The following METTL14 variants were observed in gnomAD, a reference collection of about 807,000 sequenced individuals.
METTL14 encodes the protein methyltransferase 14, N6-adenosine-methyltransferase non-catalytic subunit, also known as N(6)-adenosine-methyltransferase non-catalytic subunit METTL14.
Under a neutral mutation model 62.4 loss-of-function variants are expected in METTL14, and 32 were observed. That is an observed-to-expected ratio of 0.51 (90% CI 0.39 to 0.69). The LOEUF is 0.69. METTL14 is among the 30% of genes least tolerant of loss of function. The pLI, the probability that METTL14 is intolerant of heterozygous loss-of-function variation, is 0.00. For missense variants in METTL14, 340 were observed against 551.9 expected, an observed-to-expected ratio of 0.62 and a Z score of 3.85; for synonymous variants, 150 against 180.0, an observed-to-expected ratio of 0.83 and a Z score of 1.34.
At chr4:118,697,707 C>T (rs1724455669) in intron 7 of METTL14, among the ~76,000 whole-genome samples, 2 of 152,196 alleles carry the variant, frequency 1.3e-5, no homozygotes, top group South Asian at 4.1e-4. Context: ...GATTTCTACT[C>T]TTTAAACAGC....
chr4:118,702,512 A>G (rs1028712846), intron 8 of METTL14, among the ~76,000 whole-genome samples: 7 of 152,140 alleles, frequency 4.6e-5, no homozygotes, highest in African/African-American at 1.2e-4. Flanking sequence ...GCAGTGGCTC[A>G]TGTCTGTCAT....
At chr4:118,686,992 T>C (rs1724085379) in intron 1 of METTL14, among the ~76,000 whole-genome samples, 1 of 152,244 alleles carries the variant, frequency 6.6e-6, no homozygotes, top group South Asian at 2.1e-4. Context: ...CTTGTGTCTA[T>C]AAATAGTAAG....
At chr4:118,703,827 A>G (rs897490400) in intron 8 of METTL14, 108 bp from the exon 9 acceptor site, 1 of 594,514 alleles carries the variant, frequency 1.7e-6, no homozygotes, top group African/African-American at 1.9e-5. Context: ...ACCTTGGAAT[A>G]TAGTGTCTGA....
rs755714160 is a variant in METTL14, at chr4:118,697,187, T to C, written c.509T>C (p.Leu170Ser). The C allele has an allele frequency of 2.5e-6, 4 of 1,591,766 alleles. No homozygotes were observed. The highest frequency in any genetic ancestry group is 3.4e-6 in the Non-Finnish European group (4 of 1,173,934). ...IAKSNTPPMY[L>S]QADIEAFDIR... ...TTAATGCTTTAATCAAATAGGTACT[T>C]ACAAGCCGATATAGAAGCCTTTGAC... Residue 170 changes from leucine (L) to serine (S), a missense_variant, in exon 7 of 11, where the codon TTA becomes TCA. Leu to Ser is a moderately radical substitution (Grantham distance 145). Transcript: ENST00000388822.
At chr4:118,709,479 T>A (rs1579078613) in intron 10 of METTL14, among the ~76,000 whole-genome samples, 1 of 151,080 alleles carries the variant, frequency 6.6e-6, no homozygotes, top group Non-Finnish European at 1.5e-5. Context: ...ATTGACCTTG[T>A]AAAAAAAAAT....
chr4:118,687,385 T>C (rs1490430667), intron 1 of METTL14, among the ~76,000 whole-genome samples: 2 of 152,204 alleles, frequency 1.3e-5, no homozygotes, highest in African/African-American at 4.8e-5. Flanking sequence ...TCATTTTATA[T>C]TAAATCGTGT....
intron 8 of METTL14, among the ~76,000 whole-genome samples, chr4:118,703,589 T>G (rs1056571332): frequency 6.6e-6 from 1 of 152,226 alleles, no homozygotes; most frequent in African/African-American, 2.4e-5. Flanking sequence ...TGTTTTGGAT[T>G]GTTTTGTGAT....
chr4:118,697,344 T>C lies in METTL14; in HGVS notation c.645+21T>C, dbSNP rs765219521. On this transcript the variant is annotated intron_variant, in intron 7 of 10. Transcript: ENST00000388822. The stretch of plus-strand genomic sequence containing the variant: ...ATGATGTATGATCAAACTTTCTACA[T>C]TGTAATGAATTATTTATTTTCAAAT... 4 of 1,561,926 alleles carry C rather than the reference T, an allele frequency of 2.6e-6. No individual in the cohort carries two copies. In the African/African-American group the frequency reaches 4.2e-5, roughly 16 times the overall value.
At chr4:118,699,842 A>G (rs1724535229) in intron 7 of METTL14, among the ~76,000 whole-genome samples, 1 of 152,176 alleles carries the variant, frequency 6.6e-6, no homozygotes, top group Admixed American at 6.5e-5. Context: ...TTTAACTTTT[A>G]TGAGATACCG....
intron 5 of METTL14, among the ~76,000 whole-genome samples, chr4:118,692,915 G>T (rs34371874): frequency 0.27 from 40,350 of 152,030 alleles, 6,547 homozygotes; most frequent in East Asian, 0.51. Context: ...TCTTGTAAAT[G>T]AAATTATACA....
At position 118,685,477 on chromosome 4, in the gene METTL14, A is replaced by G. The variant is rs1283782782; in HGVS notation, c.-58A>G. On this transcript the variant is annotated 5_prime_UTR_variant, in exon 1 of 11. Transcript: ENST00000388822. ...TCCACAGACTCGGAAGAAAGGTTGG[A>G]TAAGAGTTCACTGGAGATTGACAAG... 4 of 1,513,798 alleles carry G rather than the reference A, an allele frequency of 2.6e-6. No homozygotes were observed. Among genetic ancestry groups the G allele is most frequent in the South Asian group, 2.2e-5 (2 of 88,992 alleles). The allele number at this position is 1,513,798 out of a possible 1,614,324, so 93.8% of individuals were successfully genotyped here.
At chr4:118,704,906 G>A (rs886855870) in intron 9 of METTL14, among the ~76,000 whole-genome samples, 2 of 152,142 alleles carry the variant, frequency 1.3e-5, no homozygotes, top group African/African-American at 4.8e-5. Flanking sequence ...CTTGTGATTG[G>A]TATCTGAAGG....
chr4:118,705,855 C>A, intron 10 of METTL14, 34 bp downstream of exon 10: 1 of 1,517,802 alleles, frequency 6.6e-7, no homozygotes, highest in Non-Finnish European at 9.1e-7. Flanking sequence ...TTTTATGATT[C>A]TTTGGGTTAT....
intron 10 of METTL14, among the ~76,000 whole-genome samples, chr4:118,707,137 T>C (rs892939454): frequency 1.3e-5 from 2 of 152,194 alleles, no homozygotes; most frequent in African/African-American, 4.8e-5. Context: ...TCTGAAGTAT[T>C]TTTAGATTGA....
intron 8 of METTL14, among the ~76,000 whole-genome samples, chr4:118,702,809 T>A (rs1724633743): frequency 6.6e-6 from 1 of 150,992 alleles, no homozygotes; most frequent in South Asian, 2.1e-4. Flanking sequence ...CATTTTGAGG[T>A]GTTATCTTAC....
chr4:118,709,847 C>A, intron 10 of METTL14, 151 bp from the exon 11 acceptor site: 1 of 720,858 alleles, frequency 1.4e-6, no homozygotes, highest in Non-Finnish European at 2.2e-6. Flanking sequence ...AAAACATGAC[C>A]ACAATTAAGT....
At chr4:118,689,648 CTTTTTTT>C (rs70941199) in intron 3 of METTL14, among the ~76,000 whole-genome samples, 191 bp downstream of exon 3, 17 of 143,650 alleles carry the variant, frequency 1.2e-4, no homozygotes, top group Non-Finnish European at 2.4e-4. Context: ...TTTTCTTTTC[CTTTTTTT>C]TTTTTTGTGA....
At position 118,704,069 on chromosome 4, in the gene METTL14, T is replaced by C. The variant is rs1234885877; in HGVS notation, c.855+18T>C. ...GAACAAAGGTATTGCCTTTACTGAT[T>C]TGTTTTTTTTAATTTTTGTGATTTT... On this transcript the variant is annotated intron_variant, in intron 9 of 10. Coordinates refer to ENST00000388822, the MANE Select transcript of METTL14 (RefSeq NM_020961.4). 1.9e-5 allele frequency: 27 copies of C among 1,446,118 alleles called. No individual in the cohort carries two copies. The highest frequency in any genetic ancestry group is 2.4e-5 in the Non-Finnish European group (25 of 1,053,434). 89.6% of individuals were successfully genotyped at this position (1,446,118 alleles called of 1,614,324 possible).
In METTL14 at chr4:118,705,653, A is replaced by G. The variant is rs1280505419; in HGVS notation, c.898A>G (p.Thr300Ala). 1 of 1,614,246 alleles carries G rather than the reference A, an allele frequency of 6.2e-7. No individual in the cohort carries two copies. Among genetic ancestry groups the G allele is most frequent in the Non-Finnish European group, 8.5e-7 (1 of 1,180,042 alleles). ...MGIKGTVKRS[T>A]DGDFIHANVD... is the part of the protein sequence containing the mutation. ...GATCAAAGGAACTGTGAAGCGTAGC[A>G]CAGACGGGGACTTCATTCATGCTAA... The change falls in exon 10 of 11, where the codon ACA becomes GCA. Residue 300 changes from threonine (T) to alanine (A), a missense_variant. Physicochemically the swap from Thr to Ala is moderately conservative, Grantham distance 58 (BLOSUM62 0). This residue lies in a region of METTL14 where 58 missense variants were observed against 147.5 expected (regional missense o/e 0.39). Coordinates refer to ENST00000388822, the MANE Select transcript of METTL14 (RefSeq NM_020961.4).
Sources: gnomAD v4.1 joint callset for allele counts (sites outside exome capture counted in the v4.1 genomes callset) on GRCh38, gnomAD v4.1.1 for gene constraint, gnomAD v4.1.1 regional missense constraint, MANE v1.5 for transcripts, NCBI Gene and HGNC (gene_info 2026-07-23, HGNC 2026-07-21) for gene names.